The following PIP4K2A variants were observed in gnomAD, a reference collection of about 807,000 sequenced individuals.
PIP4K2A encodes phosphatidylinositol-5-phosphate 4-kinase type 2 alpha.
A neutral mutation model predicts 42.9 loss-of-function variants in PIP4K2A; 14 were observed. The ratio of observed to expected loss-of-function variants is 0.33; its 90% CI spans 0.22 to 0.51. The LOEUF (loss-of-function observed/expected upper bound fraction) is 0.51. PIP4K2A is among the 20% of genes least tolerant of loss of function. The pLI, the probability that PIP4K2A is intolerant of heterozygous loss-of-function variation, is 0.97. For missense variants in PIP4K2A, 434 were observed against 519.8 expected (o/e 0.83, Z 1.61); for synonymous variants, 192 against 192.2 (o/e 1.00, Z 0.01).
rs187699757 is a variant in PIP4K2A at position 22,592,011 on chromosome 10, T to C, written c.340-230A>G. Among the ~76,000 whole-genome samples the C allele has an allele frequency of 7.9e-5, 12 of 152,348 alleles. No homozygotes were observed. The East Asian group carries it at 1.9e-3, about 24-fold the overall frequency. On this transcript the variant is annotated intron_variant, in intron 3 of 9. Coordinates refer to ENST00000376573, the MANE Select transcript of PIP4K2A (RefSeq NM_005028.5). The stretch of plus-strand genomic sequence containing the variant: ...AATTGTACTATGATTCTAATATCTT[T>C]AAAGCAGGCTAATGTCTAGAATTAT...
chr10:22,536,957 ACCC>A lies in PIP4K2A; in HGVS notation c.*241_*243del, dbSNP rs45627240. The A allele has an allele frequency of 9.2e-6, 3 of 325,382 alleles. No homozygotes were observed. The highest frequency in any genetic ancestry group is 6.9e-5 in the East Asian group (1 of 14,458). The allele number at this position is 325,382 out of a possible 1,614,324, so 20.2% of individuals were successfully genotyped here. ...AAAATGCACACGCGCGCACACACTC[ACCC>A]CCCCCCAACACACACACACACACAT... On this transcript the variant is annotated 3_prime_UTR_variant, in exon 10 of 10. Coordinates refer to ENST00000376573, the MANE Select transcript of PIP4K2A (RefSeq NM_005028.5).
chr10:22,664,820 T>G (rs572016509), intron 1 of PIP4K2A, among the ~76,000 whole-genome samples: 22 of 152,230 alleles, frequency 1.4e-4, no homozygotes, highest in Admixed American at 5.2e-4. Context: ...TCTGTTTGGG[T>G]GAATTAGCAG....
chr10:22,550,727 C>T lies in PIP4K2A; in HGVS notation c.724G>A (p.Gly242Ser), dbSNP rs748789808. Residue 242 changes from glycine (G) to serine (S), a missense_variant, in exon 7 of 10, where the codon GGC becomes AGC. Coordinates refer to ENST00000376573, the MANE Select transcript of PIP4K2A (RefSeq NM_005028.5). ...TLKDNDFINE[G>S]QKIYIDDNNK... Reference sequence around the variant, plus strand: ...TTGTCATCAATATAAATCTTTTGGCCCTCATTAATGAAATCATTATCTTTC... The same window carrying T: ...TTGTCATCAATATAAATCTTTTGGCTCTCATTAATGAAATCATTATCTTTC... 6.2e-7 allele frequency: 1 copy of T among 1,608,492 alleles called. No individual in the cohort carries two copies. The highest frequency in any genetic ancestry group is 8.5e-7 in the Non-Finnish European group (1 of 1,174,906).
At chr10:22,588,494 C>T (rs946919129) in intron 4 of PIP4K2A, among the ~76,000 whole-genome samples, 29 of 152,216 alleles carry the variant, frequency 1.9e-4, no homozygotes, top group African/African-American at 4.6e-4. Context: ...TGAATATCTA[C>T]GCTCATTCCA....
intron 3 of PIP4K2A, among the ~76,000 whole-genome samples, chr10:22,593,075 A>G (rs1837549751): frequency 6.6e-6 from 1 of 152,240 alleles, no homozygotes; most frequent in South Asian, 2.1e-4. Flanking sequence ...GATGAAATCA[A>G]CAGGACTGAA....
At chr10:22,605,758 G>C (rs572010503) in intron 3 of PIP4K2A, among the ~76,000 whole-genome samples, 3 of 151,754 alleles carry the variant, frequency 2.0e-5, no homozygotes, top group Non-Finnish European at 2.9e-5. Context: ...GACGTGGAGA[G>C]AAGGAGGAAC....
chr10:22,619,229 G>A (rs1330388353), intron 1 of PIP4K2A, among the ~76,000 whole-genome samples: 2 of 152,044 alleles, frequency 1.3e-5, no homozygotes, highest in Non-Finnish European at 2.9e-5. Context: ...GGAATGCTGT[G>A]GCTCTCATTA....
chr10:22,650,546 G>A (rs978677252), intron 1 of PIP4K2A, among the ~76,000 whole-genome samples: 2 of 152,180 alleles, frequency 1.3e-5, no homozygotes, highest in African/African-American at 4.8e-5. Context: ...CTATACACAA[G>A]AGAACCTATT....
chr10:22,714,131 G>A (rs939985385), intron 1 of PIP4K2A, 52 bp downstream of exon 1: 23 of 1,532,050 alleles, frequency 1.5e-5, no homozygotes, highest in Non-Finnish European at 1.9e-5. Context: ...AGGGGAACGA[G>A]GAGGAAGAGG....
intron 1 of PIP4K2A, among the ~76,000 whole-genome samples, chr10:22,654,523 C>A (rs1839057604): frequency 6.6e-6 from 1 of 152,150 alleles, no homozygotes; most frequent in East Asian, 1.9e-4. Context: ...ATCAAAAGGG[C>A]AACAGAAGGG....
chr10:22,541,676 C>A, intron 8 of PIP4K2A, 128 bp downstream of exon 8: 1 of 1,079,698 alleles, frequency 9.3e-7, no homozygotes, highest in African/African-American at 1.6e-5. Context: ...AAATCCATTT[C>A]TTTGGAGTTT....
intron 4 of PIP4K2A, among the ~76,000 whole-genome samples, chr10:22,583,992 C>G (rs1199694363): frequency 6.6e-6 from 1 of 152,236 alleles, no homozygotes; most frequent in African/African-American, 2.4e-5. Context: ...AGTCTGACTT[C>G]TCCCTCTGCC....
rs186851084 is a variant in PIP4K2A at position 22,626,334 on chromosome 10, A to T, written c.145-16617T>A. On this transcript the variant is annotated intron_variant, in intron 1 of 9. Transcript: ENST00000376573. ...ATTAATCATGTTTTCCTGGTGAGTTATGTTCTTTAGCCTAAGAGACTATTT... is the reference window on the plus strand; with the variant it reads ...ATTAATCATGTTTTCCTGGTGAGTTTTGTTCTTTAGCCTAAGAGACTATTT... Among the ~76,000 whole-genome samples the T allele has an allele frequency of 4.0e-3, 604 of 152,312 alleles. 4 individuals carry two copies. The highest frequency in any genetic ancestry group is 0.025 in the South Asian group (122 of 4,824).
At chr10:22,546,689 G>A (rs1462466123) in intron 7 of PIP4K2A, among the ~76,000 whole-genome samples, 1 of 152,146 alleles carries the variant, frequency 6.6e-6, no homozygotes, top group African/African-American at 2.4e-5. Context: ...GGGATTACAG[G>A]CATGAGCCAC....
At chr10:22,690,383 C>T (rs1327423030) in intron 1 of PIP4K2A, among the ~76,000 whole-genome samples, 2 of 152,272 alleles carry the variant, frequency 1.3e-5, no homozygotes, top group South Asian at 2.1e-4. Flanking sequence ...AATACAGCAT[C>T]GGGACATATT....
chr10:22,542,017 T>G lies in PIP4K2A; in HGVS notation c.823A>C (p.Ser275Arg), dbSNP rs1236040788. 2.5e-6 allele frequency: 4 copies of G among 1,612,464 alleles called. No homozygotes were observed. The highest frequency in any genetic ancestry group is 3.4e-6 in the Non-Finnish European group (4 of 1,179,234). The change falls in exon 8 of 10, where the codon AGT becomes CGT. Residue 275 changes from serine to arginine, a missense_variant. Coordinates refer to ENST00000376573, the MANE Select transcript of PIP4K2A (RefSeq NM_005028.5). ...ACATCATGAATTCCCACCAGCAGAC[T>G]GTAGTCCATGAGCTTCAGCTGGGCC... ...FLAQLKLMDY[S>R]LLVGIHDVER...
At chr10:22,640,009 GTTGTCTTTTT>G (rs1338433985) in intron 1 of PIP4K2A, among the ~76,000 whole-genome samples, 8 of 104,420 alleles carry the variant, frequency 7.7e-5, no homozygotes, top group Admixed American at 3.2e-4. Flanking sequence ...GCATGGATGT[GTTGTCTTTTT>G]TTTTTTTTTT....
intron 1 of PIP4K2A, among the ~76,000 whole-genome samples, chr10:22,704,034 T>G (rs6650134): frequency 0.99 from 150,672 of 152,254 alleles, 74,604 homozygotes; most frequent in Middle Eastern, 1. Context: ...TGTCTATTAG[T>G]TATTCATGTG....
chr10:22,573,281 C>T (rs776475451), intron 5 of PIP4K2A, 30 bp downstream of exon 5: 4 of 1,600,270 alleles, frequency 2.5e-6, no homozygotes, highest in Non-Finnish European at 3.4e-6. Flanking sequence ...GCTTGAGTTA[C>T]TTTACAAAAA....
Sources: gnomAD v4.1 joint callset for allele counts (sites outside exome capture counted in the v4.1 genomes callset) on GRCh38, gnomAD v4.1.1 for gene constraint, MANE v1.5 for transcripts, NCBI Gene and HGNC (gene_info 2026-07-23, HGNC 2026-07-21) for gene names.